The following CHD2 variants were observed in gnomAD, a reference collection of about 807,000 sequenced individuals.
The protein encoded by CHD2 is chromodomain helicase DNA binding protein 2.
A neutral mutation model predicts 243.9 loss-of-function variants in CHD2; 28 were observed. The observed-to-expected ratio is 0.11, with a 90% CI of 0.09 to 0.16. The LOEUF is 0.16. Ranked by LOEUF, CHD2 falls within the 10% of genes least tolerant of loss-of-function variation. The probability of loss-of-function intolerance (pLI) is 1.00; values close to 1 mark genes in which losing one functional copy is unlikely to be tolerated. For synonymous variants in CHD2, 775 were observed against 779.0 expected (o/e 0.99, Z 0.09); for missense variants, 1,386 against 2,209.8 (o/e 0.63, Z 7.47).
chr15:92,939,529 C>A (rs780787498), intron 6 of CHD2, 49 bp from the exon 7 acceptor site: 1 of 1,584,704 alleles, frequency 6.3e-7, no homozygotes, highest in Non-Finnish European at 8.6e-7. Context: ...AAAGTAGACA[C>A]CAAATGATAA....
At chr15:92,904,190 T>C (rs2052573407) in intron 2 of CHD2, among the ~76,000 whole-genome samples, 6 of 152,212 alleles carry the variant, frequency 3.9e-5, no homozygotes, top group Admixed American at 3.9e-4. Flanking sequence ...TCCAGCTCAG[T>C]CACAAAATGG....
At chr15:92,948,891 CTAGCGTTTTAACA>C (rs1404425899) in intron 12 of CHD2, 48 bp from the exon 13 acceptor site, 80 of 1,522,398 alleles carry the variant, frequency 5.3e-5, no homozygotes, top group Non-Finnish European at 6.2e-5. Context: ...TGAATTGTGG[CTAGCGTTTTAACA>C]TAGTAGCAGT....
chr15:92,977,095 A>G (rs2053920444), intron 20 of CHD2, among the ~76,000 whole-genome samples: 1 of 152,124 alleles, frequency 6.6e-6, no homozygotes, highest in African/African-American at 2.4e-5. Context: ...TTGTTGGTTG[A>G]TAGGATCTTT....
At chr15:92,933,939 T>C (rs918540292) in intron 5 of CHD2, among the ~76,000 whole-genome samples, 1 of 152,192 alleles carries the variant, frequency 6.6e-6, no homozygotes, top group African/African-American at 2.4e-5. Flanking sequence ...GATTGTCACA[T>C]ACCTGTAACA....
chr15:92,971,646 A>T, intron 17 of CHD2, 119 bp from the exon 18 acceptor site: 1 of 723,642 alleles, frequency 1.4e-6, no homozygotes, highest in Non-Finnish European at 2.0e-6. Flanking sequence ...TTTGCTTCTT[A>T]AACTTTTTTA....
intron 19 of CHD2, among the ~76,000 whole-genome samples, 161 bp downstream of exon 19, chr15:92,972,578 G>GGGGAGGATTAGAGAAAGTCAGA (rs2053856165): frequency 6.4e-5 from 1 of 15,708 alleles, no homozygotes; most frequent in Non-Finnish European, 2.2e-4. Flanking sequence ...GGGGCCGGGC[G>GGGGAGGATTAGAGAAAGTCAGA]CGGTGGCTCA....
intron 37 of CHD2, among the ~76,000 whole-genome samples, chr15:93,019,806 T>C (rs1026420116): frequency 1.3e-5 from 2 of 151,782 alleles, no homozygotes; most frequent in Non-Finnish European, 2.9e-5. Context: ...TGGTGGCGGG[T>C]GCCTGTAGTC....
At chr15:92,929,221 G>A in intron 5 of CHD2, 130 bp downstream of exon 5, 3 of 788,528 alleles carry the variant, frequency 3.8e-6, no homozygotes, top group East Asian at 2.7e-5. Context: ...TTACTAGCTC[G>A]GGTGACTGTC....
At chr15:93,001,557 C>T (rs1314859564) in intron 32 of CHD2, among the ~76,000 whole-genome samples, 1 of 152,120 alleles carries the variant, frequency 6.6e-6, no homozygotes, top group Non-Finnish European at 1.5e-5. Context: ...TGCTTTGTCA[C>T]CCAGGGTAGA....
In CHD2 at chr15:92,997,455, T is replaced by G. The variant is rs763348031; in HGVS notation, c.3885+52T>G. ...TTCTAGAAGATTTGTTGTGTAATAT[T>G]TTTATATCGATTACTTATTTCTAAC... On this transcript the variant is annotated intron_variant, in intron 30 of 38. Transcript: ENST00000394196. The surrounding 1 kb of genome is among the most constrained non-coding windows in gnomAD (Gnocchi z 4.1). The G allele has an allele frequency of 1.9e-5, 28 of 1,458,268 alleles. No individual in the cohort carries two copies. The African/African-American group carries it at 3.7e-4, about 19-fold the overall frequency. 90.3% of individuals were successfully genotyped at this position (1,458,268 alleles called of 1,614,324 possible).
At chr15:92,917,424 A>T (rs1182426202) in intron 2 of CHD2, among the ~76,000 whole-genome samples, 1 of 152,158 alleles carries the variant, frequency 6.6e-6, no homozygotes, top group African/African-American at 2.4e-5. Flanking sequence ...AGCCAGGTGC[A>T]GTGGGGCATG....
At chr15:92,973,283 C>T (rs1016598068) in intron 19 of CHD2, among the ~76,000 whole-genome samples, 1 of 152,134 alleles carries the variant, frequency 6.6e-6, no homozygotes, top group African/African-American at 2.4e-5. Context: ...GGGAAAATTT[C>T]TTCCGCATAG....
chr15:92,946,256 TATACTG>T, intron 12 of CHD2, 40 bp downstream of exon 12: 1 of 1,524,084 alleles, frequency 6.6e-7, no homozygotes, highest in South Asian at 1.2e-5. Flanking sequence ...AGGGAGAAGA[TATACTG>T]ATAAAGAGGA....
intron 12 of CHD2, among the ~76,000 whole-genome samples, chr15:92,948,319 T>G (rs2053503225): frequency 6.6e-6 from 1 of 152,130 alleles, no homozygotes; most frequent in African/African-American, 2.4e-5. Context: ...CTCTTTAGAA[T>G]CAGATAACAG....
At position 92,946,102 on chromosome 15, in the gene CHD2, C is replaced by A; in HGVS notation, c.1263C>A (p.Pro421=). ...PEYLCKWMGL[P]YSECSWEDEA... ...ATCTATGTAAATGGATGGGACTCCC[C>A]TATTCAGAGTGTAGCTGGGAAGATG... The change falls in exon 12 of 39, where the codon CCC becomes CCA. Residue 421 remains proline (P), a synonymous_variant. Coordinates refer to ENST00000394196, the MANE Select transcript of CHD2 (RefSeq NM_001271.4). The A allele has an allele frequency of 1.2e-6, 2 of 1,612,942 alleles. No individual in the cohort carries two copies. The highest frequency in any genetic ancestry group is 1.1e-5 in the South Asian group (1 of 90,956).
chr15:92,987,225 A>G (rs116165860), intron 26 of CHD2, among the ~76,000 whole-genome samples: 2 of 152,150 alleles, frequency 1.3e-5, no homozygotes, highest in African/African-American at 4.8e-5. Context: ...TGTAGTAACA[A>G]TTTTTGTTTT....
At position 93,025,490 on chromosome 15, in the gene CHD2, G is replaced by C. The variant is rs941531877; in HGVS notation, c.*785G>C. On this transcript the variant is annotated 3_prime_UTR_variant, in exon 39 of 39. Coordinates refer to ENST00000394196, the MANE Select transcript of CHD2 (RefSeq NM_001271.4). ...TTCTCTGGCTGACTGAGTACTGTGA[G>C]TGAGGCAACACTGATGCCAGCATGG... 6.5e-6 allele frequency: 1 copy of C among 152,698 alleles called. No individual in the cohort carries two copies. The highest frequency in any genetic ancestry group is 2.4e-5 in the African/African-American group (1 of 41,438). The allele number at this position is 152,698 out of a possible 1,614,324, so 9.5% of individuals were successfully genotyped here. A position where few individuals can be genotyped will look rare whatever the true frequency, so the allele number is the denominator to read the frequency against.
chr15:92,957,011 T>A (rs1437231594), intron 16 of CHD2, among the ~76,000 whole-genome samples: 3 of 152,200 alleles, frequency 2.0e-5, no homozygotes, highest in African/African-American at 7.2e-5. Flanking sequence ...TACTCAAATA[T>A]CTGATAACCG....
In CHD2 at chr15:92,978,990, G is replaced by C. The variant is rs115867564; in HGVS notation, c.2728-145G>C. The stretch of plus-strand genomic sequence containing the variant: ...TGCATCTACTTAAGCTGCCTGCTTG[G>C]ATGGCTTACAGTCTTCTATGGTTAG... On this transcript the variant is annotated intron_variant, in intron 21 of 38. Coordinates refer to ENST00000394196, the MANE Select transcript of CHD2 (RefSeq NM_001271.4). 451 of 992,252 alleles carry C rather than the reference G, an allele frequency of 4.5e-4. 3 individuals carry two copies. The African/African-American group carries it at 6.8e-3, about 15-fold the overall frequency. The allele number at this position is 992,252 out of a possible 1,614,324, so 61.5% of individuals were successfully genotyped here. A position where few individuals can be genotyped will look rare whatever the true frequency, so the allele number is the denominator to read the frequency against.
Sources: gnomAD v4.1 joint callset for allele counts (sites outside exome capture counted in the v4.1 genomes callset) on GRCh38, gnomAD v4.1.1 for gene constraint, Gnocchi (gnomAD v3.1) non-coding constraint, MANE v1.5 for transcripts, NCBI Gene and HGNC (gene_info 2026-07-23, HGNC 2026-07-21) for gene names.